GNA12: variants seen among roughly 807,000 people sequenced by gnomAD.
GNA12 encodes guanine nucleotide-binding protein subunit alpha-12.
GNA12 carries 9 observed loss-of-function variants against 26.0 expected under a neutral mutation model. The observed-to-expected ratio is 0.35, with a 90% CI of 0.21 to 0.60. The LOEUF is 0.60. Among genes scored for constraint, GNA12 ranks in the 20% least tolerant of loss-of-function variants. The pLI is 0.78. For missense variants in GNA12, 405 were observed against 525.8 expected (o/e 0.77, Z 2.25); for synonymous variants, 264 against 219.6 (o/e 1.20, Z -1.79).
chr7:2,842,882 G>T (rs1779039496), intron 1 of GNA12, among the ~76,000 whole-genome samples: 1 of 152,334 alleles, frequency 6.6e-6, no homozygotes, highest in South Asian at 2.1e-4. Flanking sequence ...TTTGCTTGGA[G>T]ACCATGGGGA....
chr7:2,838,542 C>T (rs1450330995), intron 1 of GNA12, among the ~76,000 whole-genome samples: 1 of 152,110 alleles, frequency 6.6e-6, no homozygotes, highest in Non-Finnish European at 1.5e-5. Context: ...CATGATCGTG[C>T]CACTGCGCTT....
At position 2,794,948 on chromosome 7, in the gene GNA12, G is replaced by A. The variant is rs1041978667; in HGVS notation, c.505C>T (p.Arg169Trp). Residue 169 changes from arginine to tryptophan, a missense_variant, in exon 2 of 4, where the codon CGG becomes TGG. Physicochemically the swap from Arg to Trp is moderately radical, Grantham distance 101. Transcript: ENST00000275364. ...RDSGIREAFS[R>W]RSEFQLGESV... ...CTCACCAGCTGAAACTCGCTTCTCC[G>A]GCTGAAAGCCTCCCTGATGCCAGAA... 1.2e-6 allele frequency: 2 copies of A among 1,613,882 alleles called. No homozygotes were observed. Among genetic ancestry groups the A allele is most frequent in the East Asian group, 2.2e-5 (1 of 44,882 alleles).
rs540938153 is a variant in GNA12 at position 2,767,040 on chromosome 7, G to A, written c.525+27888C>T. Among the ~76,000 whole-genome samples the A allele has an allele frequency of 1.4e-4, 22 of 152,358 alleles. No individual in the cohort carries two copies. The South Asian group carries it at 4.6e-3, about 32-fold the overall frequency. ...AGATGGCCACTTGCTTATCCTCACT[G>A]GAGAACTGTCCATTCAAGCCCTTTG... On this transcript the variant is annotated intron_variant, in intron 2 of 3. Coordinates refer to ENST00000275364, the MANE Select transcript of GNA12 (RefSeq NM_007353.3).
chr7:2,788,070 C>T (rs767764601), intron 2 of GNA12, among the ~76,000 whole-genome samples: 1 of 152,066 alleles, frequency 6.6e-6, no homozygotes, highest in African/African-American at 2.4e-5. Flanking sequence ...GGGAGAATCG[C>T]TTGAACCCAG....
intron 1 of GNA12, among the ~76,000 whole-genome samples, chr7:2,827,620 C>T (rs1179577887): frequency 6.6e-6 from 1 of 152,136 alleles, no homozygotes; most frequent in East Asian, 1.9e-4. Context: ...GTGAGCAGTG[C>T]AGAGGACAGA....
intron 2 of GNA12, among the ~76,000 whole-genome samples, chr7:2,753,663 G>A (rs1195746250): frequency 1.3e-5 from 2 of 152,150 alleles, no homozygotes; most frequent in African/African-American, 2.4e-5. Context: ...GTACAGGTGT[G>A]GTGTGGATGT....
chr7:2,804,050 A>C (rs1792881743), intron 1 of GNA12, among the ~76,000 whole-genome samples: 1 of 152,220 alleles, frequency 6.6e-6, no homozygotes, highest in Non-Finnish European at 1.5e-5. Context: ...AAATTTCACT[A>C]CATGACAAAC....
At chr7:2,751,589 T>G (rs192929716) in intron 2 of GNA12, among the ~76,000 whole-genome samples, 62 of 152,286 alleles carry the variant, frequency 4.1e-4, no homozygotes, top group Non-Finnish European at 7.1e-4. Flanking sequence ...AGGCCAAATG[T>G]TGGTTCTTTA....
intron 1 of GNA12, among the ~76,000 whole-genome samples, chr7:2,838,837 A>G (rs923282614): frequency 2.0e-5 from 3 of 152,258 alleles, no homozygotes; most frequent in Non-Finnish European, 2.9e-5. Flanking sequence ...TAATCTATCA[A>G]GATATAATAA....
intron 2 of GNA12, among the ~76,000 whole-genome samples, chr7:2,751,587 T>C (rs1048685718): frequency 1.3e-5 from 2 of 152,084 alleles, no homozygotes; most frequent in Non-Finnish European, 2.9e-5. Flanking sequence ...CAAGGCCAAA[T>C]GTTGGTTCTT....
At chr7:2,821,253 T>C (rs1357809417) in intron 1 of GNA12, among the ~76,000 whole-genome samples, 2 of 152,360 alleles carry the variant, frequency 1.3e-5, no homozygotes, top group East Asian at 3.9e-4. Flanking sequence ...TGCTGTATCC[T>C]GAGGGGAGAC....
intron 1 of GNA12, among the ~76,000 whole-genome samples, chr7:2,812,458 C>T (rs965664721): frequency 3.3e-5 from 5 of 152,028 alleles, no homozygotes; most frequent in Non-Finnish European, 5.9e-5. Flanking sequence ...GATTAAACCC[C>T]GTCTCTACTA....
At chr7:2,744,472 G>A (rs529616133) in intron 2 of GNA12, among the ~76,000 whole-genome samples, 48 of 152,212 alleles carry the variant, frequency 3.2e-4, no homozygotes, top group African/African-American at 1.2e-3. Context: ...TCTGTTAGAA[G>A]GAAAACTAAC....
chr7:2,836,923 TCAA>T (rs925306278), intron 1 of GNA12, among the ~76,000 whole-genome samples: 11 of 152,096 alleles, frequency 7.2e-5, no homozygotes, highest in Admixed American at 2.6e-4. Flanking sequence ...AAACTCCATC[TCAA>T]CAACAACAAA....
intron 2 of GNA12, among the ~76,000 whole-genome samples, chr7:2,734,877 A>G (rs1258346484): frequency 6.6e-6 from 1 of 152,162 alleles, no homozygotes; most frequent in Non-Finnish European, 1.5e-5. Context: ...CCAGCTCTGC[A>G]GTAGGGAAGG....
Position 2,735,961 on chromosome 7 carries a change from T to C in GNA12, c.526-2460A>G, listed in dbSNP as rs374375759. Reference sequence around the variant, plus strand: ...ACGCTGTCACTCACATCCGCACTCTTGCTGTCCCTGAGGTTTGGTGCACTG... The same window carrying C: ...ACGCTGTCACTCACATCCGCACTCTCGCTGTCCCTGAGGTTTGGTGCACTG... On this transcript the variant is annotated intron_variant, in intron 2 of 3. Coordinates refer to ENST00000275364, the MANE Select transcript of GNA12 (RefSeq NM_007353.3). 1.3e-3 allele frequency among the ~76,000 whole-genome samples: 195 copies of C among 152,274 alleles called. 6 individuals are homozygous for C. In the South Asian group the frequency reaches 0.04, roughly 31 times the overall value.
intron 1 of GNA12, chr7:2,815,373 A>G (rs1476955280): frequency 1.6e-5 from 3 of 188,466 alleles, no homozygotes; most frequent in Non-Finnish European, 3.3e-5. Context: ...CTCACGCACG[A>G]AGACCCTGAG....
intron 1 of GNA12, among the ~76,000 whole-genome samples, chr7:2,820,226 GC>G (rs1323384075): frequency 1.3e-5 from 2 of 152,180 alleles, no homozygotes; most frequent in Non-Finnish European, 1.5e-5. Context: ...CGGGGCTGGG[GC>G]TGGGGCAGGA....
chr7:2,757,129 C>CTTTTTTTTTTTTTTTT (rs71026549), intron 2 of GNA12, among the ~76,000 whole-genome samples: 3 of 94,004 alleles, frequency 3.2e-5, no homozygotes, highest in African/African-American at 1.3e-4. Context: ...TCAGGTGGGC[C>CTTTTTTTTTTTTTTTT]TTTTTTTTTT....
Sources: allele counts gnomAD v4.1 joint callset (sites outside exome capture counted in the v4.1 genomes callset), GRCh38; gene constraint gnomAD v4.1.1; transcripts MANE v1.5; gene names NCBI Gene and HGNC (gene_info 2026-07-23, HGNC 2026-07-21).